TTN: variants seen among roughly 807,000 people sequenced by gnomAD.
TTN encodes titin, also known as connectin.
Under a neutral mutation model 3,223.0 loss-of-function variants are expected in TTN, and 1,525 were observed. The ratio of observed to expected loss-of-function variants is 0.47; its 90% confidence interval spans 0.45 to 0.49. The LOEUF (loss-of-function observed/expected upper bound fraction) is 0.49. Ranked by LOEUF, TTN falls within the 20% of genes least tolerant of loss-of-function variation. The pLI is 0.00. For synonymous variants in TTN, 14,094 were observed against 15,161.0 expected, an observed-to-expected ratio of 0.93 and a Z score of 5.17; for missense variants, 40,786 against 43,424.0, an observed-to-expected ratio of 0.94 and a Z score of 5.40.
In TTN at chr2:178,601,711, G is replaced by A. The variant is rs372778818; in HGVS notation, c.55379C>T (p.Thr18460Ile). The change falls in exon 286 of 363, where the codon ACA becomes ATA. Residue 18460 changes from threonine (T) to isoleucine (I), a missense_variant. Transcript: ENST00000589042. The part of the protein sequence containing the change: ...KRSHTGKYSI[T>I]AKNKAGQKTA... ...CTTTTGTCCTGCTTTATTCTTGGCT[G>A]TGATGCTGTATTTGCCTGTATGAGA... is the stretch of plus-strand genomic sequence containing the variant. 59 of 1,609,502 alleles carry A rather than the reference G, an allele frequency of 3.7e-5. No individual in the cohort carries two copies. In the African/African-American group the frequency reaches 6.6e-4, roughly 18 times the overall value.
chr2:178,613,715 G>C (rs764557894), intron 263 of TTN, 36 bp downstream of exon 263: 1 of 1,593,094 alleles, frequency 6.3e-7, no homozygotes, highest in Non-Finnish European at 8.6e-7. Flanking sequence ...TGAATATACT[G>C]CTGTCTTAAC....
At chr2:178,555,763 G>A (rs887927079) in intron 330 of TTN, 2 of 152,350 alleles carry the variant, frequency 1.3e-5, no homozygotes, top group Admixed American at 1.3e-4. Flanking sequence ...GCATGAAGAT[G>A]GAAGTGGATA....
chr2:178,727,611 G>C lies in TTN; in HGVS notation c.19967C>G (p.Ser6656Cys), dbSNP rs761716450. ...CHVTNDVGSD[S>C]CTTMLLVTEP... Reference sequence around the variant, plus strand: ...TGTCACAAGCAACATCGTAGTACAAGAGTCGCTACCAACATCATTGGTAAC... The same window carrying C: ...TGTCACAAGCAACATCGTAGTACAACAGTCGCTACCAACATCATTGGTAAC... The change falls in exon 68 of 363, where the codon TCT becomes TGT. Residue 6656 changes from serine to cysteine, a missense_variant. Transcript: ENST00000589042. 1.3e-6 allele frequency: 2 copies of C among 1,591,082 alleles called. No homozygotes were observed. The highest frequency in any genetic ancestry group is 1.7e-6 in the Non-Finnish European group (2 of 1,168,842).
At chr2:178,750,599 G>T (rs765947828) in intron 47 of TTN, 12 of 1,612,228 alleles carry the variant, frequency 7.4e-6, no homozygotes, top group South Asian at 3.3e-5. Context: ...TTTTCGAAAA[G>T]AATTTTCAAA....
Position 178,727,082 on chromosome 2 carries a change from A to G in TTN, c.20275+8T>C. On this transcript the variant is annotated splice_region_variant and intron_variant, in intron 69 of 362. Coordinates refer to ENST00000589042, the MANE Select transcript of TTN (RefSeq NM_001267550.2). ...ATTTAATGAGAAACACAAGAACAAG[A>G]TGTCTACCTTTTACTATAACCTTGG... 6.7e-7 allele frequency: 1 copy of G among 1,488,336 alleles called. No homozygotes were observed. Among genetic ancestry groups the G allele is most frequent in the Admixed American group, 2.1e-5 (1 of 47,014 alleles). The allele number at this position is 1,488,336 out of a possible 1,614,324, so 92.2% of individuals were successfully genotyped here.
chr2:178,664,715 A>C lies in TTN; in HGVS notation c.36141T>G (p.Ile12047Met). The C allele has an allele frequency of 6.2e-7, 1 of 1,612,320 alleles. No individual in the cohort carries two copies. Among genetic ancestry groups the C allele is most frequent in the Non-Finnish European group, 8.5e-7 (1 of 1,179,646 alleles). The change falls in exon 167 of 363, where the codon ATT becomes ATG. Residue 12047 changes from isoleucine (I) to methionine (M), a missense_variant. Ile to Met is a conservative substitution (Grantham distance 10). Coordinates refer to ENST00000589042, the MANE Select transcript of TTN (RefSeq NM_001267550.2). ...SVKVPEALQE[I>M]VPEKKTLVVP... Reference sequence around the variant, plus strand: ...CCACAAGCGTTTTCTTTTCAGGGACAATTTCTTGGAGAGCTTCAGGCACTT... The same window carrying C: ...CCACAAGCGTTTTCTTTTCAGGGACCATTTCTTGGAGAGCTTCAGGCACTT...
In TTN at chr2:178,552,227, G is replaced by A; in HGVS notation, c.90673C>T (p.Pro30225Ser). ...VPITVITLGP[P>S]SKPKGPIRFD... ...CGAATGGGTCCTTTGGGCTTTGATG[G>A]TGGGCCAAGGGTGATGACTGTAATG... Residue 30225 changes from proline (P) to serine (S), a missense_variant, in exon 335 of 363, where the codon CCA becomes TCA. By Grantham distance (74) the Pro-to-Ser change is moderately conservative. Coordinates refer to ENST00000589042, the MANE Select transcript of TTN (RefSeq NM_001267550.2). 6.2e-7 allele frequency: 1 copy of A among 1,613,386 alleles called. No homozygotes were observed. The highest frequency in any genetic ancestry group is 8.5e-7 in the Non-Finnish European group (1 of 1,179,610).
Position 178,775,127 on chromosome 2 carries a change from T to C in TTN, c.6584A>G (p.Glu2195Gly), listed in dbSNP as rs202032875. ...AKEKDTMATF[E>G]CETSEPFVKV... ...GACAAATGGTTCTGAAGTTTCACAT[T>C]CAAAGGTTGCCATAGTGTCTTTTTC... Residue 2195 changes from glutamate (E) to glycine (G), a missense_variant, in exon 29 of 363, where the codon GAA becomes GGA. By Grantham distance (98) the Glu-to-Gly change is moderately conservative. Transcript: ENST00000589042. 2.7e-4 allele frequency: 431 copies of C among 1,613,920 alleles called. No individual in the cohort carries two copies. The highest frequency in any genetic ancestry group is 3.4e-4 in the Non-Finnish European group (402 of 1,179,982).
Position 178,571,391 on chromosome 2 carries a change from G to C in TTN, c.74741C>G (p.Thr24914Ser), listed in dbSNP as rs777003046. 6.2e-7 allele frequency: 1 copy of C among 1,613,302 alleles called. No homozygotes were observed. The highest frequency in any genetic ancestry group is 1.3e-5 in the African/African-American group (1 of 74,876). ...CCTGGAGGACAGTGTGACAACTGGA[G>C]TGCCAGGAGGACCAGGAACTTTGAA... ...YPFKVPGPPG[T>S]PVVTLSSRDS... Residue 24914 changes from threonine to serine, a missense_variant, in exon 326 of 363, where the codon ACT becomes AGT. Coordinates refer to ENST00000589042, the MANE Select transcript of TTN (RefSeq NM_001267550.2).
At position 178,574,602 on chromosome 2, in the gene TTN, T is replaced by G. The variant is rs753837961; in HGVS notation, c.71530A>C (p.Thr23844Pro). 1.2e-6 allele frequency: 2 copies of G among 1,613,334 alleles called. No homozygotes were observed. Among genetic ancestry groups the G allele is most frequent in the South Asian group, 2.2e-5 (2 of 91,032 alleles). Reference protein sequence around the residue: ...QVTAVTKDSMTISWHEPLSDG... With the variant: ...QVTAVTKDSMPISWHEPLSDG... ...GAAAGTGGCTCATGCCAGCTAATTGTCATTGAATCCTTGGTAACTGCAGTT... is the reference window on the plus strand; with the variant it reads ...GAAAGTGGCTCATGCCAGCTAATTGGCATTGAATCCTTGGTAACTGCAGTT... Residue 23844 changes from threonine (T) to proline (P), a missense_variant, in exon 326 of 363, where the codon ACA (threonine) becomes CCA (proline). Physicochemically the swap from Thr to Pro is conservative, Grantham distance 38 (BLOSUM62 -1). Transcript: ENST00000589042.
rs772844758 is a variant in TTN, at chr2:178,565,419, C to T, written c.80713G>A (p.Gly26905Ser). 3.1e-6 allele frequency: 5 copies of T among 1,613,266 alleles called. No homozygotes were observed. The highest frequency in any genetic ancestry group is 4.2e-6 in the Non-Finnish European group (5 of 1,179,632). Residue 26905 changes from glycine to serine, a missense_variant, in exon 326 of 363, where the codon GGC (glycine) becomes AGC (serine). Gly to Ser is a moderately conservative substitution (Grantham distance 56, BLOSUM62 0). Transcript: ENST00000589042. The stretch of plus-strand genomic sequence containing the variant: ...CAAGAAATGTTAGGTCTTGGTCGGC[C>T]TATAACTGGAATTTCTATTTTAAGA... ...EDLKIEIPVI[G>S]RPRPNISWVK... is the part of the protein sequence containing the mutation.
intron 208 of TTN, 134 bp from the exon 209 acceptor site, chr2:178,650,968 C>T: frequency 1.0e-6 from 1 of 977,260 alleles, no homozygotes; most frequent in Non-Finnish European, 1.6e-6. Context: ...GGTCAGTGAT[C>T]TGTCTTTGGA....
rs1230631157 is a variant in TTN at position 178,583,141 on chromosome 2, A to G, written c.65662T>C (p.Phe21888Leu). The G allele has an allele frequency of 5.6e-6, 9 of 1,612,546 alleles. No individual in the cohort carries two copies. The highest frequency in any genetic ancestry group is 7.6e-6 in the Non-Finnish European group (9 of 1,179,170). The change falls in exon 313 of 363, where the codon TTT (phenylalanine) becomes CTT (leucine). Residue 21888 changes from phenylalanine (F) to leucine (L), a missense_variant. Phe to Leu is a conservative substitution (Grantham distance 22). Transcript: ENST00000589042. ...GAAACTGTTGGCATCGGTTTACCAA[A>G]AACAGTAGCATCCAAGCAGACATTA... ...GTNVCLDATV[F>L]GKPMPTVSWK...
In TTN at chr2:178,729,270, G is replaced by A. The variant is rs753698916; in HGVS notation, c.18868+18C>T. 6.4e-7 allele frequency: 1 copy of A among 1,572,576 alleles called. No individual in the cohort carries two copies. The highest frequency in any genetic ancestry group is 8.6e-7 in the Non-Finnish European group (1 of 1,160,502). ...TTACAGAATTTTTATTTGATAGGCT[G>A]CTTCTTGTATAACTGACCTTTCAGG... On this transcript the variant is annotated intron_variant, in intron 64 of 362. Coordinates refer to ENST00000589042, the MANE Select transcript of TTN (RefSeq NM_001267550.2).
intron 10 of TTN, 109 bp downstream of exon 10, chr2:178,791,963 A>T: frequency 7.3e-6 from 9 of 1,235,102 alleles, no homozygotes; most frequent in Non-Finnish European, 9.0e-6. Flanking sequence ...AACAAAAAAT[A>T]TACAACCAAA....
intron 159 of TTN, 141 bp from the exon 160 acceptor site, chr2:178,667,862 A>T: frequency 1.7e-6 from 1 of 585,008 alleles, no homozygotes; most frequent in Admixed American, 3.3e-5. Flanking sequence ...GCTAGAATGC[A>T]TTGGCTGGGG....
At chr2:178,675,176 C>T (rs2472751) in intron 149 of TTN, 63 bp from the exon 150 acceptor site, 12 of 1,103,148 alleles carry the variant, frequency 1.1e-5, no homozygotes, top group Non-Finnish European at 1.6e-5. Context: ...ATAAAGACCA[C>T]GTTTCCAGTT....
At position 178,727,241 on chromosome 2, in the gene TTN, A is replaced by G. The variant is rs1329694740; in HGVS notation, c.20124T>C (p.Leu6708=). 1 of 1,613,060 alleles carries G rather than the reference A, an allele frequency of 6.2e-7. No homozygotes were observed. Among genetic ancestry groups the G allele is most frequent in the Non-Finnish European group, 8.5e-7 (1 of 1,179,434 alleles). The change falls in exon 69 of 363, where the codon CTT becomes CTC. Residue 6708 remains leucine, a synonymous_variant. Coordinates refer to ENST00000589042, the MANE Select transcript of TTN (RefSeq NM_001267550.2). ...TCATTCTGTACTTATCACTGGCTGG[A>G]AGTTCATGTTCATTTCGGAACCACA... The part of the protein sequence containing the change: ...RVVWFRNEHE[L]PASDKYRMTF...
chr2:178,648,420 A>AT (rs1360862652), intron 213 of TTN, among the ~76,000 whole-genome samples: 1 of 151,002 alleles, frequency 6.6e-6, no homozygotes, highest in East Asian at 1.9e-4. Flanking sequence ...CTTTTTTTTA[A>AT]TTTTTTTGAG....
Sources: allele counts gnomAD v4.1 joint callset (sites outside exome capture counted in the v4.1 genomes callset), GRCh38; gene constraint gnomAD v4.1.1; transcripts MANE v1.5; gene names NCBI Gene and HGNC (gene_info 2026-07-23, HGNC 2026-07-21).